Variants in PECAM1 observed in about 807,000 individuals in gnomAD.
The protein encoded by PECAM1 is platelet and endothelial cell adhesion molecule 1, also known as platelet endothelial cell adhesion molecule.
A neutral mutation model predicts 13.8 loss-of-function variants in PECAM1; 8 were observed. The ratio of observed to expected loss-of-function variants is 0.58; its 90% confidence interval spans 0.34 to 1.05. The LOEUF is 1.05. Among genes scored for constraint, PECAM1 ranks in the 50% least tolerant of loss-of-function variants. The pLI, the probability that PECAM1 is intolerant of heterozygous loss-of-function variation, is 0.03. For missense variants in PECAM1, 304 were observed against 141.2 expected, an observed-to-expected ratio of 2.15 and a Z score of -5.84; for synonymous variants, 136 against 52.6, an observed-to-expected ratio of 2.58 and a Z score of -6.86.
chr17:64,353,639 CTTTTT>C (rs2143785269), intron 9 of PECAM1, 121 bp from the exon 10 acceptor site: 1 of 408,482 alleles, frequency 2.4e-6, no homozygotes, highest in African/African-American at 2.1e-5. Context: ...CTTTTCTTTT[CTTTTT>C]GTTTTACTCC....
chr17:64,328,678 C>T (rs547931081), intron 15 of PECAM1, among the ~76,000 whole-genome samples: 2 of 152,290 alleles, frequency 1.3e-5, no homozygotes, highest in Non-Finnish European at 2.9e-5. Flanking sequence ...TACAAGAGTC[C>T]AGACATGGGC....
At position 64,323,315 on chromosome 17, in the gene PECAM1, G is replaced by C. The variant is rs2034852076; in HGVS notation, c.*501C>G. On this transcript the variant is annotated 3_prime_UTR_variant, in exon 16 of 16. Coordinates refer to ENST00000563924, the MANE Select transcript of PECAM1 (RefSeq NM_000442.5). ...TAGAGGGGACAGGGGGAGGCTGTCTGGTCAGCACTGTGTATTTCCAAAGAA... is the reference window on the plus strand; with the variant it reads ...TAGAGGGGACAGGGGGAGGCTGTCTCGTCAGCACTGTGTATTTCCAAAGAA... The C allele has an allele frequency of 9.6e-7, 1 of 1,037,394 alleles. No homozygotes were observed. Among genetic ancestry groups the C allele is most frequent in the African/African-American group, 1.7e-5 (1 of 58,200 alleles). 64.3% of individuals were successfully genotyped at this position (1,037,394 alleles called of 1,614,324 possible). A position where few individuals can be genotyped will look rare whatever the true frequency, so the allele number is the denominator to read the frequency against.
rs1004655826 is a variant in PECAM1, at chr17:64,378,137, A to G, written c.92-20T>C. The G allele has an allele frequency of 5.1e-5, 24 of 471,650 alleles. No homozygotes were observed. Among genetic ancestry groups the G allele is most frequent in the Non-Finnish European group, 8.5e-5 (22 of 257,548 alleles). The allele number at this position is 471,650 out of a possible 1,614,324, so 29.2% of individuals were successfully genotyped here. Reference sequence around the variant, plus strand: ...TGAAAGCTAAATGCAAAGGGAAGGAAGGCAGACATACCTGTTATCTCAGAA... The same window carrying G: ...TGAAAGCTAAATGCAAAGGGAAGGAGGGCAGACATACCTGTTATCTCAGAA... On this transcript the variant is annotated intron_variant, in intron 2 of 15. Transcript: ENST00000563924.
intron 14 of PECAM1, among the ~76,000 whole-genome samples, chr17:64,331,238 C>T (rs139318763): frequency 4.1e-4 from 63 of 151,934 alleles, no homozygotes; most frequent in African/African-American, 1.4e-3. Context: ...GCTCTGTCAC[C>T]CAGGCTGGAG....
intron 14 of PECAM1, among the ~76,000 whole-genome samples, chr17:64,339,270 G>A (rs1294339165): frequency 3.3e-5 from 5 of 152,238 alleles, no homozygotes; most frequent in East Asian, 3.9e-4. Context: ...GGGGAGGAAC[G>A]ATTCTCAGGG....
At position 64,380,654 on chromosome 17, in the gene PECAM1, G is replaced by A. The variant is rs969713378; in HGVS notation, c.92-2537C>T. Reference sequence around the variant, plus strand: ...TAAAACTCTCAAAGACAGATGACATGATATGTAAAAACCTCAAAGAGTCTG... The same window carrying A: ...TAAAACTCTCAAAGACAGATGACATAATATGTAAAAACCTCAAAGAGTCTG... On this transcript the variant is annotated intron_variant, in intron 2 of 15. Coordinates refer to ENST00000563924, the MANE Select transcript of PECAM1 (RefSeq NM_000442.5). Among the ~76,000 whole-genome samples the A allele has an allele frequency of 6.3e-4, 96 of 152,284 alleles. No homozygotes were observed. The South Asian group carries it at 0.011, about 17-fold the overall frequency.
chr17:64,368,715 G>A (rs990118131), intron 5 of PECAM1, among the ~76,000 whole-genome samples: 62,355 of 151,084 alleles, frequency 0.41, 14,134 homozygotes, highest in South Asian at 0.58. Context: ...GCAGGGCATG[G>A]TGGCGCATGC....
chr17:64,379,017 T>C (rs2036424869), intron 2 of PECAM1: 1 of 152,278 alleles, frequency 6.6e-6, no homozygotes, highest in Admixed American at 6.5e-5. Context: ...TGATGGGCTC[T>C]GAGGTTTCAC....
intron 14 of PECAM1, among the ~76,000 whole-genome samples, chr17:64,331,885 G>A (rs2035132594): frequency 6.6e-6 from 1 of 152,228 alleles, no homozygotes; most frequent in African/African-American, 2.4e-5. Context: ...CGAAGGTGGT[G>A]GAGGGAATGG....
At chr17:64,342,679 C>G (rs2143737888) in intron 13 of PECAM1, among the ~76,000 whole-genome samples, 1 of 152,106 alleles carries the variant, frequency 6.6e-6, no homozygotes, top group East Asian at 1.9e-4. Context: ...GGGCTAGACC[C>G]TCTCAATATG....
intron 5 of PECAM1, among the ~76,000 whole-genome samples, chr17:64,364,389 A>T (rs1490725054): frequency 6.6e-6 from 1 of 152,094 alleles, no homozygotes; most frequent in Admixed American, 6.6e-5. Flanking sequence ...GAATTCTACC[A>T]GAGGTACAAG....
intron 6 of PECAM1, among the ~76,000 whole-genome samples, chr17:64,361,160 T>TGTGTGTGTGTGTGTGTGTGTGTGTGTGTG (rs2035968097): frequency 2.7e-5 from 4 of 148,060 alleles, no homozygotes; most frequent in African/African-American, 1.0e-4. Flanking sequence ...TGTGTGTGTG[T>TGTGTGTGTGTGTGTGTGTGTGTGTGTGTG]TCTGAGACCG....
chr17:64,360,560 G>T, intron 6 of PECAM1, 145 bp from the exon 7 acceptor site: 1 of 352,870 alleles, frequency 2.8e-6, no homozygotes, highest in Non-Finnish European at 5.1e-6. Context: ...TACCTTTATA[G>T]GACACCTATG....
Position 64,322,832 on chromosome 17 carries a change from C to T in PECAM1, c.*984G>A, listed in dbSNP as rs532704574. ...CTGGGTTCAAGCGATAATCTCACCT[C>T]AGCCTCTTGAGTAGCTGATACTACA... On this transcript the variant is annotated 3_prime_UTR_variant, in exon 16 of 16. Transcript: ENST00000563924. The T allele has an allele frequency of 5.2e-4, 211 of 405,006 alleles. 1 individual carries two copies. Among genetic ancestry groups the T allele is most frequent in the African/African-American group, 4.4e-3 (205 of 46,342 alleles). 25.1% of individuals were successfully genotyped at this position (405,006 alleles called of 1,614,324 possible).
chr17:64,345,520 C>T lies in PECAM1; in HGVS notation c.2107+2740G>A, dbSNP rs986764946. Among the ~76,000 whole-genome samples, 114 of 152,066 alleles carry T rather than the reference C, an allele frequency of 7.5e-4. 1 individual carries two copies. Among genetic ancestry groups the T allele is most frequent in the African/African-American group, 2.5e-3 (102 of 41,484 alleles). ...CTGAGGTCAGGAGTTGGAGACCAGCCTGGCCAACATGGTGAAACCCTGTCT... is the reference window on the plus strand; with the variant it reads ...CTGAGGTCAGGAGTTGGAGACCAGCTTGGCCAACATGGTGAAACCCTGTCT... On this transcript the variant is annotated intron_variant, in intron 13 of 15. Coordinates refer to ENST00000563924, the MANE Select transcript of PECAM1 (RefSeq NM_000442.5).
At chr17:64,351,634 G>A (rs1172154807) in intron 11 of PECAM1, among the ~76,000 whole-genome samples, 2 of 152,142 alleles carry the variant, frequency 1.3e-5, no homozygotes, top group African/African-American at 4.8e-5. Context: ...AGGATCACCT[G>A]AGCCTGGGAG....
chr17:64,327,106 C>T (rs369981394), intron 15 of PECAM1, among the ~76,000 whole-genome samples: 3 of 152,324 alleles, frequency 2.0e-5, no homozygotes, highest in African/African-American at 7.2e-5. Flanking sequence ...TAATGTGGGT[C>T]TCTGATTCCT....
intron 3 of PECAM1, among the ~76,000 whole-genome samples, chr17:64,375,888 AAC>A (rs1367950537): frequency 6.6e-6 from 1 of 152,042 alleles, no homozygotes; most frequent in Non-Finnish European, 1.5e-5. Flanking sequence ...GCTATGAGGA[AAC>A]AAAGGCATAA....
At chr17:64,354,267 A>C (rs1173686413) in intron 9 of PECAM1, among the ~76,000 whole-genome samples, 1 of 152,114 alleles carries the variant, frequency 6.6e-6, no homozygotes, top group East Asian at 1.9e-4. Context: ...AGATAATTAC[A>C]AAAAGTAAAG....
Sources: allele counts gnomAD v4.1 joint callset (sites outside exome capture counted in the v4.1 genomes callset), GRCh38; gene constraint gnomAD v4.1.1; transcripts MANE v1.5; gene names NCBI Gene and HGNC (gene_info 2026-07-23, HGNC 2026-07-21).